Variants in ZNF14 observed in about 807,000 individuals in gnomAD.
ZNF14 encodes the protein gonadotropin inducible transcription repressor-4.
ZNF14 carries 9 observed loss-of-function variants against 11.3 expected under a neutral mutation model. The observed-to-expected ratio is 0.80, with a 90% CI of 0.48 to 1.39. The LOEUF (loss-of-function observed/expected upper bound fraction) is 1.39, where lower values mean the gene tolerates loss of function less well. ZNF14 is among the 40% of genes most tolerant of loss of function. ZNF14 has a pLI of 0.00. For missense variants in ZNF14, 711 were observed against 763.9 expected, an observed-to-expected ratio of 0.93 and a Z score of 0.82; for synonymous variants, 239 against 245.7, an observed-to-expected ratio of 0.97 and a Z score of 0.25.
At chr19:19,732,677 T>G (rs1030465875) in intron 1 of ZNF14, among the ~76,000 whole-genome samples, 1 of 152,214 alleles carries the variant, frequency 6.6e-6, no homozygotes, top group Non-Finnish European at 1.5e-5. Context: ...ACCCTCCCGC[T>G]GTCACCGAAC....
chr19:19,721,654 T>G (rs1034210058), intron 1 of ZNF14, among the ~76,000 whole-genome samples: 1 of 152,150 alleles, frequency 6.6e-6, no homozygotes, highest in Non-Finnish European at 1.5e-5. Context: ...GAATAACTCG[T>G]TTACTTGCTT....
chr19:19,729,732 T>C (rs1484630454), intron 1 of ZNF14, among the ~76,000 whole-genome samples: 1 of 151,316 alleles, frequency 6.6e-6, no homozygotes, highest in East Asian at 1.9e-4. Context: ...GAGAAACTTA[T>C]AAAAAAAAAT....
rs576604294 is a variant in ZNF14 at position 19,724,465 on chromosome 19, G to A, written c.3+8491C>T. Among the ~76,000 whole-genome samples, 121 of 133,738 alleles carry A rather than the reference G, an allele frequency of 9.0e-4. 25 individuals are homozygous for A. Among genetic ancestry groups the A allele is most frequent in the Middle Eastern group, 8.5e-3 (2 of 236 alleles). 87.7% of individuals were successfully genotyped at this position (133,738 alleles called of 152,430 possible). ...TGAGAGACAGTTTGTTATAATTTCTGTTCTTTTACATTTGCTGAGGAGTGC... is the reference window on the plus strand; with the variant it reads ...TGAGAGACAGTTTGTTATAATTTCTATTCTTTTACATTTGCTGAGGAGTGC... On this transcript the variant is annotated intron_variant, in intron 1 of 3. Transcript: ENST00000344099.
chr19:19,716,579 A>G (rs1009320436), intron 1 of ZNF14, among the ~76,000 whole-genome samples: 1 of 152,134 alleles, frequency 6.6e-6, no homozygotes, highest in African/African-American at 2.4e-5. Context: ...GTGAGTCCCC[A>G]TGCCTGGCAA....
intron 1 of ZNF14, among the ~76,000 whole-genome samples, chr19:19,714,717 T>C (rs907645452): frequency 6.8e-6 from 1 of 147,128 alleles, no homozygotes; most frequent in Non-Finnish European, 1.5e-5. Flanking sequence ...CTTTTTCTTT[T>C]TTTTTTTTTT....
At position 19,712,258 on chromosome 19, in the gene ZNF14, C is replaced by A. The variant is rs202067924; in HGVS notation, c.1023G>T (p.Gly341=). 140 of 1,613,774 alleles carry A rather than the reference C, an allele frequency of 8.7e-5. No individual in the cohort carries two copies. The highest frequency in any genetic ancestry group is 6.2e-5 in the Non-Finnish European group (73 of 1,179,948). Residue 341 remains glycine (G), a synonymous_variant, in exon 4 of 4, where the codon GGG becomes GGT. Transcript: ENST00000344099. ...GARPYKCKEC[G]KAFNSSNSCR... ...AGGAATTAGAAGAGTTGAAGGCTTT[C>A]CCACATTCTTTACATTTATAAGGTC... is the stretch of plus-strand genomic sequence containing the variant.
intron 1 of ZNF14, among the ~76,000 whole-genome samples, chr19:19,727,091 C>T (rs2062408518): frequency 7.5e-6 from 1 of 133,652 alleles, no homozygotes; most frequent in South Asian, 2.4e-4. Context: ...TGCCAAGCCC[C>T]AGTGAGATGA....
intron 1 of ZNF14, among the ~76,000 whole-genome samples, chr19:19,716,233 C>G (rs2062377446): frequency 6.6e-6 from 1 of 152,098 alleles, no homozygotes; most frequent in African/African-American, 2.4e-5. Context: ...TTTCTTCCTA[C>G]CACATCTGGA....
intron 1 of ZNF14, among the ~76,000 whole-genome samples, chr19:19,722,642 G>C (rs2062396133): frequency 6.6e-6 from 1 of 152,148 alleles, no homozygotes; most frequent in Non-Finnish European, 1.5e-5. Flanking sequence ...GGATGGCATT[G>C]AATCTATAAA....
chr19:19,729,449 G>T (rs1224324049), intron 1 of ZNF14, among the ~76,000 whole-genome samples: 1 of 151,716 alleles, frequency 6.6e-6, no homozygotes, highest in African/African-American at 2.4e-5. Flanking sequence ...CCGAGTAGCT[G>T]GAATTATAGG....
chr19:19,716,048 G>A (rs2062376963), intron 1 of ZNF14, among the ~76,000 whole-genome samples: 1 of 152,110 alleles, frequency 6.6e-6, no homozygotes, highest in Non-Finnish European at 1.5e-5. Context: ...TACAAAATTT[G>A]TATACCAGGA....
chr19:19,719,096 A>T (rs2062385449), intron 1 of ZNF14, among the ~76,000 whole-genome samples: 1 of 152,182 alleles, frequency 6.6e-6, no homozygotes, highest in South Asian at 2.1e-4. Context: ...GAAAGCAAGA[A>T]GAGACTGGAG....
intron 1 of ZNF14, among the ~76,000 whole-genome samples, chr19:19,729,319 C>CTT (rs10717958): frequency 7.3e-6 from 1 of 137,802 alleles, no homozygotes; most frequent in Admixed American, 7.2e-5. Context: ...ACACACACAA[C>CTT]TTTTTTTTTT....
intron 1 of ZNF14, among the ~76,000 whole-genome samples, chr19:19,728,156 A>G (rs973510261): frequency 7.5e-6 from 1 of 132,548 alleles, no homozygotes. Flanking sequence ...ACACAACAAC[A>G]AAACAAAACA....
intron 1 of ZNF14, among the ~76,000 whole-genome samples, chr19:19,714,719 T>C (rs532219465): frequency 1.4e-5 from 2 of 138,638 alleles, no homozygotes; most frequent in Non-Finnish European, 1.6e-5. Flanking sequence ...TTTTCTTTTT[T>C]TTTTTTTTTT....
chr19:19,731,674 T>C (rs1037713230), intron 1 of ZNF14, among the ~76,000 whole-genome samples: 1 of 152,140 alleles, frequency 6.6e-6, no homozygotes. Context: ...CACTGACCTA[T>C]TACAACCACA....
chr19:19,723,477 A>C (rs1356125460), intron 1 of ZNF14, among the ~76,000 whole-genome samples: 3 of 151,410 alleles, frequency 2.0e-5, no homozygotes, highest in African/African-American at 7.3e-5. Context: ...TGCTGGATTC[A>C]GTTTGCCAGT....
intron 1 of ZNF14, among the ~76,000 whole-genome samples, chr19:19,723,300 G>C (rs1300496119): frequency 6.6e-6 from 1 of 152,166 alleles, no homozygotes; most frequent in African/African-American, 2.4e-5. Context: ...AAGGGCTGTT[G>C]AATTTTGTTG....
At chr19:19,731,946 T>C (rs1246207278) in intron 1 of ZNF14, among the ~76,000 whole-genome samples, 1 of 152,130 alleles carries the variant, frequency 6.6e-6, no homozygotes, top group Non-Finnish European at 1.5e-5. Flanking sequence ...CGGGCGCCTG[T>C]AGTCCCAGCT....
Sources: gnomAD v4.1 joint callset for allele counts (sites outside exome capture counted in the v4.1 genomes callset) on GRCh38, gnomAD v4.1.1 for gene constraint, MANE v1.5 for transcripts, NCBI Gene and HGNC (gene_info 2026-07-23, HGNC 2026-07-21) for gene names.